Variants in PPP2R5C observed in about 807,000 individuals in gnomAD.
PPP2R5C encodes the protein serine/threonine-protein phosphatase 2A 56 kDa regulatory subunit gamma isoform.
A neutral mutation model predicts 68.9 loss-of-function variants in PPP2R5C; 7 were observed. The ratio of observed to expected loss-of-function variants is 0.10; its 90% CI spans 0.06 to 0.19. The LOEUF (loss-of-function observed/expected upper bound fraction) is 0.19. Ranked by LOEUF, PPP2R5C falls within the 10% of genes least tolerant of loss-of-function variation. The probability of loss-of-function intolerance (pLI) is 1.00; values close to 1 mark genes in which losing one functional copy is unlikely to be tolerated. For synonymous variants in PPP2R5C, 210 were observed against 222.2 expected (o/e 0.95, Z 0.49); for missense variants, 348 against 641.3 (o/e 0.54, Z 4.94).
At chr14:101,793,314 A>G (rs1016088360) in intron 3 of PPP2R5C, among the ~76,000 whole-genome samples, 1 of 152,218 alleles carries the variant, frequency 6.6e-6, no homozygotes, top group African/African-American at 2.4e-5. Flanking sequence ...GAGCGAGGAT[A>G]TAAATTTTCT....
At chr14:101,921,653 A>G (rs1031995436) in intron 13 of PPP2R5C, among the ~76,000 whole-genome samples, 1 of 152,188 alleles carries the variant, frequency 6.6e-6, no homozygotes, top group Non-Finnish European at 1.5e-5. Flanking sequence ...GATTATATTC[A>G]GTGCCCTTTT....
At chr14:101,812,862 A>C (rs936397806) in intron 1 of PPP2R5C, among the ~76,000 whole-genome samples, 82 of 152,244 alleles carry the variant, frequency 5.4e-4, no homozygotes, top group African/African-American at 1.9e-3. Flanking sequence ...ATTTGTTGTC[A>C]CGATCGCTTT....
chr14:101,903,531 C>T (rs2045837438), intron 9 of PPP2R5C, among the ~76,000 whole-genome samples: 1 of 152,208 alleles, frequency 6.6e-6, no homozygotes, highest in Non-Finnish European at 1.5e-5. Context: ...AGCTGCAGGC[C>T]CAGCCCCCCA....
rs1241492108 is a variant in PPP2R5C at position 101,815,168 on chromosome 14, G to A, written c.94+5132G>A. Among the ~76,000 whole-genome samples the A allele has an allele frequency of 1.5e-4, 23 of 151,934 alleles. No homozygotes were observed. The East Asian group carries it at 1.9e-3, about 13-fold the overall frequency. Reference sequence around the variant, plus strand: ...CCGCCCCTGCCTTTTTTGTCCCCCCGGGAGAAAAAAGGGAGCCTCTTGCCC... The same window carrying A: ...CCGCCCCTGCCTTTTTTGTCCCCCCAGGAGAAAAAAGGGAGCCTCTTGCCC... On this transcript the variant is annotated intron_variant, in intron 1 of 13. Coordinates refer to ENST00000334743, the Ensembl canonical transcript of PPP2R5C.
At chr14:101,841,791 A>C (rs1331645715) in intron 1 of PPP2R5C, among the ~76,000 whole-genome samples, 1 of 152,226 alleles carries the variant, frequency 6.6e-6, no homozygotes, top group African/African-American at 2.4e-5. Context: ...GGGCCAGGTC[A>C]GGGAGCAGGG....
chr14:101,896,938 C>G (rs532021937), intron 8 of PPP2R5C, among the ~76,000 whole-genome samples: 85 of 152,286 alleles, frequency 5.6e-4, no homozygotes, highest in Middle Eastern at 6.8e-3. Context: ...CTTTTGGGCT[C>G]TGCTTTCTTG....
intron 3 of PPP2R5C, among the ~76,000 whole-genome samples, chr14:101,803,904 A>G (rs1317392904): frequency 6.6e-6 from 1 of 152,220 alleles, no homozygotes; most frequent in East Asian, 1.9e-4. Flanking sequence ...GCTTCTGCAC[A>G]GCAAAGGATA....
At position 101,882,937 on chromosome 14, in the gene PPP2R5C, G is replaced by A. The variant is rs2044250679; in HGVS notation, c.406-320G>A. ...AGGCGACAGGCTGCAAATCCCCCCT[G>A]CAGAGTTGGGTCATGGCTTGGTTTG... On this transcript the variant is annotated intron_variant, in intron 3 of 13. Coordinates refer to ENST00000334743, the Ensembl canonical transcript of PPP2R5C. This position sits in a 1 kb window ranked among gnomAD's most constrained non-coding sequence, Gnocchi z 4.9. The A allele has an allele frequency of 4.1e-6, 1 of 241,878 alleles. No individual in the cohort carries two copies. The highest frequency in any genetic ancestry group is 7.9e-6 in the Non-Finnish European group (1 of 126,940). 15.0% of individuals were successfully genotyped at this position (241,878 alleles called of 1,614,324 possible).
rs968714137 is a variant in PPP2R5C at position 101,888,807 on chromosome 14, G to A, written c.630-1430G>A. Among the ~76,000 whole-genome samples, 11 of 152,042 alleles carry A rather than the reference G, an allele frequency of 7.2e-5. No homozygotes were observed. The highest frequency in any genetic ancestry group is 1.4e-4 in the African/African-American group (6 of 41,404). ...GAGTTTTGCCATGTTGGCCAGGCCC[G>A]TCTTGAACTCCTGACCTCAGGTGAT... is the stretch of plus-strand genomic sequence containing the variant. On this transcript the variant is annotated intron_variant, in intron 5 of 13. Coordinates refer to ENST00000334743, the Ensembl canonical transcript of PPP2R5C. This position sits in a 1 kb window ranked among gnomAD's most constrained non-coding sequence, Gnocchi z 5.6.
chr14:101,862,445 G>A (rs1365716048), intron 2 of PPP2R5C, among the ~76,000 whole-genome samples: 2 of 152,164 alleles, frequency 1.3e-5, no homozygotes, highest in East Asian at 1.9e-4. Flanking sequence ...TTCAGAGTGC[G>A]CGATCCAGCA....
In PPP2R5C at chr14:101,921,589, G is replaced by T. The variant is rs940777092; in HGVS notation, c.1444-3552G>T. Reference sequence around the variant, plus strand: ...TGCACAATTTGGTGACCAAATTGACGTAAGAAATGATAGCTGAAAATTAAG... The same window carrying T: ...TGCACAATTTGGTGACCAAATTGACTTAAGAAATGATAGCTGAAAATTAAG... On this transcript the variant is annotated intron_variant, in intron 13 of 13. Transcript: ENST00000334743. 2.0e-5 allele frequency among the ~76,000 whole-genome samples: 3 copies of T among 151,248 alleles called. No homozygotes were observed. The South Asian group carries it at 6.2e-4, about 31-fold the overall frequency.
chr14:101,830,698 G>A (rs2040684025), intron 1 of PPP2R5C, among the ~76,000 whole-genome samples: 1 of 152,142 alleles, frequency 6.6e-6, no homozygotes, highest in Non-Finnish European at 1.5e-5. Flanking sequence ...GAAACCTGCA[G>A]CTTCTGTTAA....
At chr14:101,883,142 T>C (rs981901638) in intron 3 of PPP2R5C, 115 bp from the exon 6 acceptor site, 4 of 672,712 alleles carry the variant, frequency 5.9e-6, no homozygotes, top group Non-Finnish European at 7.4e-6. Context: ...TCTGTAGATA[T>C]GTGGCTTTGA....
At chr14:101,809,826 G>GA, upstream of PPP2R5C, 2 of 1,424,174 alleles carry the variant, frequency 1.4e-6, no homozygotes, top group South Asian at 3.1e-5. Context: ...CTGACATCAC[G>GA]AACCAGCCAG....
chr14:101,834,279 T>A (rs1752798807), intron 1 of PPP2R5C, among the ~76,000 whole-genome samples: 1 of 152,168 alleles, frequency 6.6e-6, no homozygotes, highest in South Asian at 2.1e-4. Context: ...CTGGGTCCGG[T>A]TCTCCTGTCT....
At chr14:101,874,479 A>G (rs1212979401) in intron 2 of PPP2R5C, among the ~76,000 whole-genome samples, 2 of 152,246 alleles carry the variant, frequency 1.3e-5, no homozygotes, top group East Asian at 3.8e-4. Context: ...AGAGTAAATA[A>G]CTTAAGAGCA....
At chr14:101,767,939 G>A (rs2036943926) in intron 2 of PPP2R5C, among the ~76,000 whole-genome samples, 1 of 152,184 alleles carries the variant, frequency 6.6e-6, no homozygotes, top group Non-Finnish European at 1.5e-5. Context: ...TACATCACAA[G>A]CTGCAAGGTC....
Position 101,915,544 on chromosome 14 carries a change from A to G in PPP2R5C, c.1327-2287A>G, listed in dbSNP as rs2046623227. Among the ~76,000 whole-genome samples the G allele has an allele frequency of 6.6e-6, 1 of 152,240 alleles. No individual in the cohort carries two copies. Among genetic ancestry groups the G allele is most frequent in the African/African-American group, 2.4e-5 (1 of 41,466 alleles). ...CAAGCGGAGGCTGTTGGTGGGTCCC[A>G]TGAAGAGCACTGCTTGTTGCCTGGA... On this transcript the variant is annotated intron_variant, in intron 12 of 13. Transcript: ENST00000334743. The surrounding 1 kb of genome is among the most constrained non-coding windows in gnomAD (Gnocchi z 4.2).
intron 2 of PPP2R5C, chr14:101,765,128 CA>C (rs925538848): frequency 2.8e-6 from 2 of 702,506 alleles, no homozygotes; most frequent in African/African-American, 3.5e-5. Flanking sequence ...TATGATGCCC[CA>C]CTTGTCTTTT....
Sources: allele counts gnomAD v4.1 joint callset (sites outside exome capture counted in the v4.1 genomes callset), GRCh38; gene constraint gnomAD v4.1.1; non-coding constraint Gnocchi (gnomAD v3.1); transcripts MANE v1.5; gene names NCBI Gene and HGNC (gene_info 2026-07-23, HGNC 2026-07-21).